TBC1D22A: variants seen among roughly 807,000 people sequenced by gnomAD.
The protein encoded by TBC1D22A is putative GTPase activator.
A neutral mutation model predicts 60.2 loss-of-function variants in TBC1D22A; 38 were observed. The observed-to-expected ratio is 0.63, with a 90% CI of 0.49 to 0.83. The LOEUF (loss-of-function observed/expected upper bound fraction) is 0.83. Among genes scored for constraint, TBC1D22A ranks in the 40% least tolerant of loss-of-function variants. The probability of loss-of-function intolerance (pLI) is 0.00; values close to 1 mark genes in which losing one functional copy is unlikely to be tolerated. For missense variants in TBC1D22A, 628 were observed against 701.0 expected, an observed-to-expected ratio of 0.90 and a Z score of 1.18; for synonymous variants, 302 against 281.7, an observed-to-expected ratio of 1.07 and a Z score of -0.72.
chr22:46,784,302 A>G (rs1226902944), intron 1 of TBC1D22A, among the ~76,000 whole-genome samples: 1 of 152,116 alleles, frequency 6.6e-6, no homozygotes, highest in African/African-American at 2.4e-5. Flanking sequence ...CCTGGTCTCA[A>G]GTGATCCGCC....
At chr22:47,151,277 C>T (rs1360975852) in intron 12 of TBC1D22A, among the ~76,000 whole-genome samples, 3 of 152,170 alleles carry the variant, frequency 2.0e-5, no homozygotes, top group Non-Finnish European at 4.4e-5. Context: ...CTCCACCTTC[C>T]CGGGTGAGGC....
At chr22:46,875,184 TG>T (rs1374997372) in intron 4 of TBC1D22A, among the ~76,000 whole-genome samples, 1 of 152,192 alleles carries the variant, frequency 6.6e-6, no homozygotes, top group African/African-American at 2.4e-5. Context: ...GTAAACAAGT[TG>T]TGGTATATTC....
At chr22:46,878,342 GA>G (rs1294249542) in intron 4 of TBC1D22A, among the ~76,000 whole-genome samples, 3 of 151,400 alleles carry the variant, frequency 2.0e-5, no homozygotes, top group Non-Finnish European at 4.4e-5. Flanking sequence ...AAGGAGGTGG[GA>G]GGGAAGGAGG....
At chr22:47,067,759 C>T (rs1017083197) in intron 11 of TBC1D22A, among the ~76,000 whole-genome samples, 1 of 152,198 alleles carries the variant, frequency 6.6e-6, no homozygotes, top group Non-Finnish European at 1.5e-5. Context: ...CACGAGTGTG[C>T]GTGCACACAC....
At chr22:46,906,776 G>A (rs1163709895) in intron 7 of TBC1D22A, among the ~76,000 whole-genome samples, 1 of 137,938 alleles carries the variant, frequency 7.2e-6, no homozygotes, top group African/African-American at 3.3e-5. Context: ...GATGGACCCT[G>A]AACTGTGTGT....
chr22:47,076,406 C>CAT (rs1247904918), intron 11 of TBC1D22A, among the ~76,000 whole-genome samples: 7 of 110,938 alleles, frequency 6.3e-5, no homozygotes, highest in East Asian at 6.8e-4. Flanking sequence ...CACACACACA[C>CAT]ACATATATAT....
At chr22:46,839,383 C>T (rs1285276393) in intron 4 of TBC1D22A, among the ~76,000 whole-genome samples, 1 of 151,218 alleles carries the variant, frequency 6.6e-6, no homozygotes, top group Non-Finnish European at 1.5e-5. Flanking sequence ...TCTCGGCTTA[C>T]TGCAACCTGG....
chr22:46,883,748 C>T (rs1380873303), intron 5 of TBC1D22A, among the ~76,000 whole-genome samples: 1 of 152,224 alleles, frequency 6.6e-6, no homozygotes. Flanking sequence ...GCACACAGGC[C>T]TTCTCTCCTG....
At chr22:46,879,274 C>G (rs147241801) in intron 5 of TBC1D22A, among the ~76,000 whole-genome samples, 2 of 151,630 alleles carry the variant, frequency 1.3e-5, no homozygotes, top group Non-Finnish European at 2.9e-5. Context: ...GCTCAGCTGC[C>G]GGTCTGGAAG....
At chr22:46,828,726 T>G (rs2086179370) in intron 4 of TBC1D22A, among the ~76,000 whole-genome samples, 1 of 152,162 alleles carries the variant, frequency 6.6e-6, no homozygotes, top group Admixed American at 6.5e-5. Flanking sequence ...CACTTAGGCC[T>G]TCTCCCACCC....
At chr22:47,077,335 C>T (rs1048340318) in intron 11 of TBC1D22A, among the ~76,000 whole-genome samples, 1 of 152,164 alleles carries the variant, frequency 6.6e-6, no homozygotes, top group Non-Finnish European at 1.5e-5. Flanking sequence ...TCAGTCTTCA[C>T]CAGTATGTGA....
chr22:46,860,983 A>AT (rs774595270), intron 4 of TBC1D22A, among the ~76,000 whole-genome samples: 12 of 113,778 alleles, frequency 1.1e-4, no homozygotes, highest in East Asian at 2.2e-4. Context: ...TAATAAATTA[A>AT]TTTTTTTTTA....
chr22:47,029,781 C>T (rs1569357523), intron 10 of TBC1D22A, among the ~76,000 whole-genome samples: 1 of 152,236 alleles, frequency 6.6e-6, no homozygotes, highest in Non-Finnish European at 1.5e-5. Flanking sequence ...CTCTCCTGTT[C>T]CCTTCCAGCT....
intron 4 of TBC1D22A, among the ~76,000 whole-genome samples, chr22:46,871,435 A>G (rs887517421): frequency 6.6e-6 from 1 of 152,250 alleles, no homozygotes; most frequent in Admixed American, 6.5e-5. Flanking sequence ...CATATGGCAC[A>G]TTCACCAAGT....
intron 11 of TBC1D22A, among the ~76,000 whole-genome samples, chr22:47,051,719 T>G (rs1433918019): frequency 6.6e-6 from 1 of 152,204 alleles, no homozygotes; most frequent in Non-Finnish European, 1.5e-5. Context: ...GGCACCTCCC[T>G]GCAGCCCCAG....
intron 4 of TBC1D22A, among the ~76,000 whole-genome samples, chr22:46,811,368 C>T (rs920237550): frequency 2.2e-4 from 33 of 152,252 alleles, no homozygotes; most frequent in African/African-American, 7.0e-4. Context: ...TGTGCCAGGC[C>T]CTGTGCTGGA....
intron 5 of TBC1D22A, among the ~76,000 whole-genome samples, chr22:46,881,098 G>A (rs1022439406): frequency 2.4e-4 from 37 of 152,038 alleles, no homozygotes; most frequent in Admixed American, 6.6e-4. Context: ...GGGTAGAGGG[G>A]CCCAAGAGGA....
chr22:47,094,448 G>A (rs1029894302), intron 11 of TBC1D22A, among the ~76,000 whole-genome samples: 4 of 152,178 alleles, frequency 2.6e-5, no homozygotes, highest in Non-Finnish European at 2.9e-5. Context: ...AAGGAATGCT[G>A]CCTGCTTTTG....
At chr22:47,050,815 C>A (rs2063185518) in intron 11 of TBC1D22A, among the ~76,000 whole-genome samples, 1 of 152,142 alleles carries the variant, frequency 6.6e-6, no homozygotes, top group South Asian at 2.1e-4. Flanking sequence ...GTGAGGACAG[C>A]CTGGGAGGAG....
Sources: allele counts gnomAD v4.1 joint callset (sites outside exome capture counted in the v4.1 genomes callset), GRCh38; gene constraint gnomAD v4.1.1; transcripts MANE v1.5; gene names NCBI Gene and HGNC (gene_info 2026-07-23, HGNC 2026-07-21).